The following RLN3 variants were observed in gnomAD, a reference collection of about 807,000 sequenced individuals.
The protein encoded by RLN3 is relaxin-3.
A neutral mutation model predicts 10.2 loss-of-function variants in RLN3; 13 were observed. That is an observed-to-expected ratio of 1.28 (90% CI 0.83 to 2.03). The LOEUF (loss-of-function observed/expected upper bound fraction) is 2.03. Ranked by LOEUF, RLN3 falls within the 30% of genes most tolerant of loss-of-function variation. The probability of loss-of-function intolerance (pLI) is 0.00; values close to 1 mark genes in which losing one functional copy is unlikely to be tolerated. For synonymous variants in RLN3, 56 were observed against 79.2 expected, an observed-to-expected ratio of 0.71 and a Z score of 1.56; for missense variants, 191 against 187.2, an observed-to-expected ratio of 1.02 and a Z score of -0.12.
At position 14,031,086 on chromosome 19, in the gene RLN3, G is replaced by A; in HGVS notation, c.*138G>A. On this transcript the variant is annotated 3_prime_UTR_variant, in exon 2 of 2. Coordinates refer to ENST00000431365, the MANE Select transcript of RLN3 (RefSeq NM_080864.4). Reference sequence around the variant, plus strand: ...TCTACAAGTCACAGAGGCACTGTGGGCTCAGGCACAGTCTCCCGACACCAC... The same window carrying A: ...TCTACAAGTCACAGAGGCACTGTGGACTCAGGCACAGTCTCCCGACACCAC... 4 of 681,164 alleles carry A rather than the reference G, an allele frequency of 5.9e-6. No individual in the cohort carries two copies. The highest frequency in any genetic ancestry group is 1.8e-5 in the South Asian group (1 of 55,216). The allele number at this position is 681,164 out of a possible 1,614,324, so 42.2% of individuals were successfully genotyped here.
Position 14,031,547 on chromosome 19 carries a change from CTT to C in RLN3, c.*601_*602del, listed in dbSNP as rs985153602. On this transcript the variant is annotated 3_prime_UTR_variant, in exon 2 of 2. Transcript: ENST00000431365. Reference sequence around the variant, plus strand: ...AACTCCAATAATAAAAATTCGAAGACTTTGGCAGAGAGTGTGTGTGTGTGTGT... The same window carrying C: ...AACTCCAATAATAAAAATTCGAAGACTGGCAGAGAGTGTGTGTGTGTGTGT... 26 of 400,196 alleles carry C rather than the reference CTT, an allele frequency of 6.5e-5. No individual in the cohort carries two copies. The highest frequency in any genetic ancestry group is 3.6e-4 in the African/African-American group (17 of 47,134). The allele number at this position is 400,196 out of a possible 1,614,324, so 24.8% of individuals were successfully genotyped here.
chr19:14,030,876 T>C lies in RLN3; in HGVS notation c.357T>C (p.Asp119=). 1 of 1,608,444 alleles carries C rather than the reference T, an allele frequency of 6.2e-7. No individual in the cohort carries two copies. ...CTGGGGTTCTTCGGGGCAGCCGAGATGTCCTGGCTGGCCTTTCCAGCAGCT... is the reference window on the plus strand; with the variant it reads ...CTGGGGTTCTTCGGGGCAGCCGAGACGTCCTGGCTGGCCTTTCCAGCAGCT... ...GTPGVLRGSR[D]VLAGLSSSCC... is the part of the protein sequence containing the mutation. Residue 119 remains aspartate (D), a synonymous_variant, in exon 2 of 2, where the codon GAT becomes GAC. Transcript: ENST00000431365.
At position 14,031,204 on chromosome 19, in the gene RLN3, G is replaced by C; in HGVS notation, c.*256G>C. ...GGTCAAGTGGGGACCCCCCCATCCT[G>C]ACCCCTGACCTCTCCCCAGCCCTAA... On this transcript the variant is annotated 3_prime_UTR_variant, in exon 2 of 2. Coordinates refer to ENST00000431365, the MANE Select transcript of RLN3 (RefSeq NM_080864.4). 2.1e-6 allele frequency: 1 copy of C among 481,988 alleles called. No homozygotes were observed. Among genetic ancestry groups the C allele is most frequent in the South Asian group, 2.7e-5 (1 of 36,656 alleles). The allele number at this position is 481,988 out of a possible 1,614,324, so 29.9% of individuals were successfully genotyped here. A position where few individuals can be genotyped will look rare whatever the true frequency, so the allele number is the denominator to read the frequency against.
chr19:14,028,491 A>T, intron 1 of RLN3, 97 bp downstream of exon 1: 4 of 1,134,870 alleles, frequency 3.5e-6, no homozygotes, highest in Non-Finnish European at 5.0e-6. Context: ...CTGGAGGAGG[A>T]GGGTCCCTGT....
intron 1 of RLN3, among the ~76,000 whole-genome samples, chr19:14,028,848 C>T (rs1200554385): frequency 6.6e-6 from 1 of 152,048 alleles, no homozygotes; most frequent in East Asian, 1.9e-4. Context: ...AATCACTGCT[C>T]ATTGCAGCCT....
chr19:14,030,240 TG>T (rs1287265632), intron 1 of RLN3: 1 of 702,520 alleles, frequency 1.4e-6, no homozygotes, highest in East Asian at 2.7e-5. Context: ...TTTTCCACTT[TG>T]CAGAAAAGAA....
At position 14,031,057 on chromosome 19, in the gene RLN3, TTCATCTACAAGTCACAGAGGCA is replaced by T. The variant is rs1198455723; in HGVS notation, c.*110_*131del. On this transcript the variant is annotated 3_prime_UTR_variant, in exon 2 of 2. Transcript: ENST00000431365. ...CTTTCGAGCCTCACACATTCATTCA[TTCATCTACAAGTCACAGAGGCA>T]CTGTGGGCTCAGGCACAGTCTCCCG... is the stretch of plus-strand genomic sequence containing the variant. The T allele has an allele frequency of 6.2e-5, 49 of 791,972 alleles. No individual in the cohort carries two copies. Among genetic ancestry groups the T allele is most frequent in the Non-Finnish European group, 9.2e-5 (44 of 480,138 alleles). The allele number at this position is 791,972 out of a possible 1,614,324, so 49.1% of individuals were successfully genotyped here.
Position 14,028,251 on chromosome 19 carries a change from C to G in RLN3, c.47C>G (p.Thr16Ser). ...LLLLLAVWVL[T>S]GELWPGAEAR... ...CTGCTCCTGGCGGTATGGGTGCTGA[C>G]CGGGGAGCTGTGGCCGGGAGCTGAG... Residue 16 changes from threonine to serine, a missense_variant, in exon 1 of 2, where the codon ACC becomes AGC. Transcript: ENST00000431365. 5 of 1,612,398 alleles carry G rather than the reference C, an allele frequency of 3.1e-6. No homozygotes were observed. Among genetic ancestry groups the G allele is most frequent in the Non-Finnish European group, 3.4e-6 (4 of 1,179,314 alleles).
chr19:14,030,587 A>C, intron 1 of RLN3, 123 bp from the exon 2 acceptor site: 1 of 916,840 alleles, frequency 1.1e-6, no homozygotes, highest in Non-Finnish European at 1.8e-6. Flanking sequence ...ACTGGGTGGA[A>C]TAAAAACTCT....
At chr19:14,028,611 A>T (rs1196789128) in intron 1 of RLN3, among the ~76,000 whole-genome samples, 2 of 151,158 alleles carry the variant, frequency 1.3e-5, no homozygotes, top group African/African-American at 4.9e-5. Context: ...GGGGGCTGGA[A>T]GTCTGAGGAC....
chr19:14,029,165 G>T (rs1281278347), intron 1 of RLN3, among the ~76,000 whole-genome samples: 2 of 151,944 alleles, frequency 1.3e-5, no homozygotes, highest in Non-Finnish European at 2.9e-5. Context: ...GCAGGGCAGC[G>T]GCACAATCTG....
At chr19:14,028,801 G>T (rs1021942895) in intron 1 of RLN3, among the ~76,000 whole-genome samples, 1 of 151,982 alleles carries the variant, frequency 6.6e-6, no homozygotes, top group African/African-American at 2.4e-5. Context: ...TGGAGATGTG[G>T]TCTCACTCCA....
Position 14,031,154 on chromosome 19 carries a change from C to T in RLN3, c.*206C>T. Reference sequence around the variant, plus strand: ...TTGACCAGCCTATCATGACCCTGGCCCCTAAGGAAGCTGTGCCCCTGCCTG... The same window carrying T: ...TTGACCAGCCTATCATGACCCTGGCTCCTAAGGAAGCTGTGCCCCTGCCTG... On this transcript the variant is annotated 3_prime_UTR_variant, in exon 2 of 2. Transcript: ENST00000431365. 1.8e-6 allele frequency: 1 copy of T among 557,852 alleles called. No individual in the cohort carries two copies. Among genetic ancestry groups the T allele is most frequent in the Non-Finnish European group, 3.2e-6 (1 of 315,654 alleles). The allele number at this position is 557,852 out of a possible 1,614,324, so 34.6% of individuals were successfully genotyped here.
chr19:14,030,117 C>G (rs1209141479), intron 1 of RLN3: 1 of 595,272 alleles, frequency 1.7e-6, no homozygotes, highest in Non-Finnish European at 3.0e-6. Flanking sequence ...ACACCGTGCC[C>G]GGACTCAATA....
Position 14,030,797 on chromosome 19 carries a change from T to C in RLN3, c.278T>C (p.Leu93Pro). ...EAMGSSEWLA[L>P]TKSPQAFYRG... ...ATGGGGTCCAGCGAGTGGCTGGCCC[T>C]GACCAAGTCACCCCAGGCCTTTTAC... Residue 93 changes from leucine (L) to proline (P), a missense_variant, in exon 2 of 2, where the codon CTG becomes CCG. Physicochemically the swap from Leu to Pro is moderately conservative, Grantham distance 98. Coordinates refer to ENST00000431365, the MANE Select transcript of RLN3 (RefSeq NM_080864.4). 1 of 1,614,180 alleles carries C rather than the reference T, an allele frequency of 6.2e-7. No individual in the cohort carries two copies. Among genetic ancestry groups the C allele is most frequent in the East Asian group, 2.2e-5 (1 of 44,882 alleles).
chr19:14,029,355 A>AT (rs60592967), intron 1 of RLN3, among the ~76,000 whole-genome samples: 3,383 of 143,084 alleles, frequency 0.024, 46 homozygotes, highest in African/African-American at 0.051. Flanking sequence ...ATGTGCTACT[A>AT]TTTTTTTTTT....
intron 1 of RLN3, among the ~76,000 whole-genome samples, chr19:14,028,961 A>G (rs1040245161): frequency 1.3e-5 from 2 of 151,788 alleles, no homozygotes; most frequent in Non-Finnish European, 2.9e-5. Context: ...TTTTTTTTGT[A>G]GAAACAGGGG....
chr19:14,028,427 G>C, intron 1 of RLN3, 33 bp downstream of exon 1: 1 of 1,578,202 alleles, frequency 6.3e-7, no homozygotes, highest in Non-Finnish European at 8.6e-7. Context: ...TGTAGAAGGG[G>C]AACAGGTGGC....
Position 14,031,004 on chromosome 19 carries a change from C to G in RLN3, c.*56C>G. ...ACCAATGCCCCAGTCCTGCCATCCA[C>G]TCAACTAGTGTCTGGCTGGGCACCT... On this transcript the variant is annotated 3_prime_UTR_variant, in exon 2 of 2. Transcript: ENST00000431365. 1 of 1,206,884 alleles carries G rather than the reference C, an allele frequency of 8.3e-7. No individual in the cohort carries two copies. The highest frequency in any genetic ancestry group is 1.5e-5 in the African/African-American group (1 of 66,008). The allele number at this position is 1,206,884 out of a possible 1,614,324, so 74.8% of individuals were successfully genotyped here.
Sources: allele counts gnomAD v4.1 joint callset (sites outside exome capture counted in the v4.1 genomes callset), GRCh38; gene constraint gnomAD v4.1.1; transcripts MANE v1.5; gene names NCBI Gene and HGNC (gene_info 2026-07-23, HGNC 2026-07-21).